The following NARS2 variants were observed in gnomAD, a reference collection of about 807,000 sequenced individuals.
The protein encoded by NARS2 is asparaginyl-tRNA synthetase 2, mitochondrial, also known as asparaginyl-tRNA synthetase.
Under a neutral mutation model 62.9 loss-of-function variants are expected in NARS2, and 60 were observed. That is an observed-to-expected ratio of 0.95 (90% CI 0.77 to 1.18). The LOEUF is 1.18. Among genes scored for constraint, NARS2 ranks in the 50% most tolerant of loss-of-function variants. NARS2 has a pLI of 0.00. For missense variants in NARS2, 619 were observed against 576.4 expected (o/e 1.07, Z -0.76); for synonymous variants, 196 against 200.0 (o/e 0.98, Z 0.17).
chr11:78,452,126 T>C (rs555288900), intron 11 of NARS2, among the ~76,000 whole-genome samples: 145 of 152,156 alleles, frequency 9.5e-4, no homozygotes, highest in Non-Finnish European at 1.9e-3. Flanking sequence ...TTAAATTTTT[T>C]TGAGATGGAG....
At chr11:78,447,053 AAAC>A (rs1377074073) in intron 11 of NARS2, among the ~76,000 whole-genome samples, 3 of 145,810 alleles carry the variant, frequency 2.1e-5, no homozygotes, top group African/African-American at 8.5e-5. Context: ...CTCAAAAAAA[AAAC>A]AAACAAACAT....
chr11:78,520,028 T>TA (rs1287401331), intron 6 of NARS2, among the ~76,000 whole-genome samples: 1 of 152,008 alleles, frequency 6.6e-6, no homozygotes, highest in Non-Finnish European at 1.5e-5. Flanking sequence ...GTTATATTTA[T>TA]AAAAACAGCT....
At chr11:78,508,618 C>A (rs11237527) in intron 6 of NARS2, among the ~76,000 whole-genome samples, 105,036 of 149,068 alleles carry the variant, frequency 0.7, 37,981 homozygotes, top group Non-Finnish European at 0.81. Flanking sequence ...AAAAAAAAAA[C>A]CATTGAAGAA....
intron 4 of NARS2, 58 bp from the exon 5 acceptor site, chr11:78,559,677 C>A: frequency 8.7e-7 from 1 of 1,144,370 alleles, no homozygotes; most frequent in South Asian, 1.2e-5. Flanking sequence ...TCCAAGAACA[C>A]ACATCCTCTT....
At chr11:78,445,449 C>G (rs1053484775) in intron 11 of NARS2, among the ~76,000 whole-genome samples, 9 of 152,130 alleles carry the variant, frequency 5.9e-5, no homozygotes, top group African/African-American at 9.7e-5. Flanking sequence ...AGTGAAACCC[C>G]CTCTCTGCCA....
At chr11:78,477,287 A>G (rs1008352995) in intron 9 of NARS2, among the ~76,000 whole-genome samples, 5 of 152,206 alleles carry the variant, frequency 3.3e-5, no homozygotes, top group African/African-American at 1.2e-4. Flanking sequence ...TGCCTATCCA[A>G]CATCTATGGC....
Position 78,530,045 on chromosome 11 carries a change from G to A in NARS2, c.595-1109C>T, listed in dbSNP as rs534240005. Among the ~76,000 whole-genome samples, 40 of 152,118 alleles carry A rather than the reference G, an allele frequency of 2.6e-4. 1 individual carries two copies. Among genetic ancestry groups the A allele is most frequent in the Non-Finnish European group, 2.5e-4 (17 of 67,984 alleles). On this transcript the variant is annotated intron_variant, in intron 5 of 13. Transcript: ENST00000281038. ...TGCATATCATGTATCGGTATCTGTG[G>A]ATAAATAAAAAATGTACTGTAAAAA...
At chr11:78,443,187 G>A (rs150724795) in intron 12 of NARS2, among the ~76,000 whole-genome samples, 1,628 of 152,044 alleles carry the variant, frequency 0.011, 27 homozygotes, top group African/African-American at 0.037. Context: ...TTAGCCGGGC[G>A]TGGTGGCGGG....
At chr11:78,493,260 T>TAAAAATGAACA in intron 6 of NARS2, 65 bp from the exon 7 acceptor site, 1 of 1,473,870 alleles carries the variant, frequency 6.8e-7, no homozygotes, top group Non-Finnish European at 9.3e-7. Context: ...ATTTAAATAT[T>TAAAAATGAACA]CAGTGAGCTC....
chr11:78,544,018 CAA>C (rs10688131), intron 5 of NARS2, among the ~76,000 whole-genome samples: 13 of 73,918 alleles, frequency 1.8e-4, no homozygotes, highest in African/African-American at 6.3e-4. Flanking sequence ...GACTCTGTCT[CAA>C]AAAAAAAAAA....
At chr11:78,450,438 G>A (rs1349120215) in intron 11 of NARS2, among the ~76,000 whole-genome samples, 1 of 152,068 alleles carries the variant, frequency 6.6e-6, no homozygotes, top group Non-Finnish European at 1.5e-5. Context: ...TATCATCTTT[G>A]TTCTTTCTTT....
chr11:78,561,645 T>C (rs987990485), intron 4 of NARS2, among the ~76,000 whole-genome samples: 7 of 152,236 alleles, frequency 4.6e-5, no homozygotes, highest in African/African-American at 7.2e-5. Context: ...TCTTTTTCTT[T>C]CACGTGAAAC....
chr11:78,574,148 G>A (rs143205918), intron 1 of NARS2, among the ~76,000 whole-genome samples, 200 bp downstream of exon 1: 2 of 152,310 alleles, frequency 1.3e-5, no homozygotes, highest in Admixed American at 6.5e-5. Flanking sequence ...TGAAAGCAAA[G>A]TTCCAGCGCT....
At chr11:78,552,215 AG>A (rs1471363813) in intron 5 of NARS2, among the ~76,000 whole-genome samples, 1 of 152,184 alleles carries the variant, frequency 6.6e-6, no homozygotes, top group African/African-American at 2.4e-5. Context: ...CTTATCATTT[AG>A]CTCCCACTTA....
intron 7 of NARS2, among the ~76,000 whole-genome samples, chr11:78,490,303 T>C (rs1859761577): frequency 6.6e-6 from 1 of 151,952 alleles, no homozygotes; most frequent in Admixed American, 6.6e-5. Flanking sequence ...CTCTCTGGAG[T>C]AGTCCAACCC....
chr11:78,439,506 C>T (rs912115337), intron 13 of NARS2, among the ~76,000 whole-genome samples: 1 of 152,152 alleles, frequency 6.6e-6, no homozygotes, highest in Non-Finnish European at 1.5e-5. Flanking sequence ...TAAGCTTCCA[C>T]TCTATGTAGA....
chr11:78,507,577 G>A (rs1860552112), intron 6 of NARS2, among the ~76,000 whole-genome samples: 1 of 150,714 alleles, frequency 6.6e-6, no homozygotes, highest in Non-Finnish European at 1.5e-5. Flanking sequence ...TGGAGTGCAG[G>A]GGCGCAATCT....
At chr11:78,466,836 ATATT>A (rs762941372) in intron 10 of NARS2, among the ~76,000 whole-genome samples, 8 of 152,168 alleles carry the variant, frequency 5.3e-5, no homozygotes, top group Non-Finnish European at 1.0e-4. Context: ...TCTTTGATGA[ATATT>A]TATTAACTCT....
At chr11:78,544,266 AT>A (rs1855760579) in intron 5 of NARS2, among the ~76,000 whole-genome samples, 1 of 152,144 alleles carries the variant, frequency 6.6e-6, no homozygotes, top group African/African-American at 2.4e-5. Flanking sequence ...CTCACAGCCA[AT>A]ATTCTTATAA....
Sources: allele counts gnomAD v4.1 joint callset (sites outside exome capture counted in the v4.1 genomes callset), GRCh38; gene constraint gnomAD v4.1.1; transcripts MANE v1.5; gene names NCBI Gene and HGNC (gene_info 2026-07-23, HGNC 2026-07-21).